DLGAP2: variants seen among roughly 807,000 people sequenced by gnomAD.
DLGAP2 encodes disks large-associated protein 2.
DLGAP2 carries 26 observed loss-of-function variants against 100.3 expected under a neutral mutation model. That is an observed-to-expected ratio of 0.26 (90% CI 0.19 to 0.36). The LOEUF is 0.36. DLGAP2 is among the 10% of genes least tolerant of loss of function. The probability of loss-of-function intolerance (pLI) is 1.00; values close to 1 mark genes in which losing one functional copy is unlikely to be tolerated. For missense variants in DLGAP2, 1,858 were observed against 1,453.2 expected (o/e 1.28, Z -4.53); for synonymous variants, 886 against 630.1 (o/e 1.41, Z -6.08).
chr8:821,432 G>A (rs569600845), intron 1 of DLGAP2, among the ~76,000 whole-genome samples: 1 of 152,110 alleles, frequency 6.6e-6, no homozygotes, highest in African/African-American at 2.4e-5. Context: ...ACAAGTGTTC[G>A]TACTTCCTCC....
chr8:859,254 G>A (rs1466798098), intron 1 of DLGAP2, among the ~76,000 whole-genome samples: 2 of 152,076 alleles, frequency 1.3e-5, no homozygotes, highest in Admixed American at 6.5e-5. Flanking sequence ...TGGGATCACA[G>A]GCGCACGCCA....
intron 6 of DLGAP2, among the ~76,000 whole-genome samples, chr8:1,601,415 G>A (rs1489077123): frequency 1.3e-5 from 2 of 152,226 alleles, no homozygotes; most frequent in African/African-American, 2.4e-5. Context: ...TGGGAGAGCT[G>A]CTGCTCTCTT....
chr8:1,178,807 A>T (rs185316001), intron 2 of DLGAP2, among the ~76,000 whole-genome samples: 1 of 152,188 alleles, frequency 6.6e-6, no homozygotes, highest in African/African-American at 2.4e-5. Context: ...AGCTGTGCCC[A>T]CCGCCAGCAT....
chr8:1,227,151 G>GAGATATAT (rs1798432845), intron 2 of DLGAP2, among the ~76,000 whole-genome samples: 5 of 50,234 alleles, frequency 1.0e-4, no homozygotes, highest in African/African-American at 5.0e-4. Context: ...AGGAAACTGT[G>GAGATATAT]AGATATATAT....
intron 5 of DLGAP2, among the ~76,000 whole-genome samples, chr8:1,556,775 G>GA (rs144378110): frequency 0.024 from 3,701 of 152,252 alleles, 159 homozygotes; most frequent in African/African-American, 0.083. Context: ...TGGCTCAGAG[G>GA]AAAAACCACA....
At chr8:737,852 G>T (rs1463031657) in intron 1 of DLGAP2, 27 bp downstream of exon 1, 1 of 376,180 alleles carries the variant, frequency 2.7e-6, no homozygotes, top group Non-Finnish European at 4.7e-6. Context: ...GCTGCCGGGA[G>T]CCGGGCGCGG....
intron 2 of DLGAP2, among the ~76,000 whole-genome samples, chr8:943,222 C>G (rs553853419): frequency 6.6e-6 from 1 of 152,164 alleles, no homozygotes; most frequent in Non-Finnish European, 1.5e-5. Flanking sequence ...CACAGGATGG[C>G]CACTTTTCCA....
At chr8:920,513 T>C (rs1225186449) in intron 2 of DLGAP2, among the ~76,000 whole-genome samples, 1 of 152,104 alleles carries the variant, frequency 6.6e-6, no homozygotes, top group Non-Finnish European at 1.5e-5. Context: ...CCCAGCACTT[T>C]GGCAGGCAGA....
chr8:1,356,916 G>A (rs368908762), intron 3 of DLGAP2, among the ~76,000 whole-genome samples: 20 of 152,180 alleles, frequency 1.3e-4, no homozygotes, highest in South Asian at 8.3e-4. Flanking sequence ...TACAGTGCCC[G>A]TGTCTACAGC....
chr8:1,450,799 A>G (rs1407584655), intron 3 of DLGAP2, among the ~76,000 whole-genome samples: 2 of 152,136 alleles, frequency 1.3e-5, no homozygotes, highest in Non-Finnish European at 2.9e-5. Flanking sequence ...GAGACAGAAA[A>G]GTACTATTTG....
intron 2 of DLGAP2, among the ~76,000 whole-genome samples, chr8:1,151,272 A>C (rs1796692130): frequency 6.6e-6 from 1 of 152,180 alleles, no homozygotes. Context: ...AGTCATACAC[A>C]TTTTGCTTGA....
chr8:1,309,327 A>G (rs766306344), intron 3 of DLGAP2, among the ~76,000 whole-genome samples: 1 of 152,242 alleles, frequency 6.6e-6, no homozygotes, highest in African/African-American at 2.4e-5. Context: ...GTGAGGGATA[A>G]AGAGAAAATC....
At chr8:1,063,634 A>C (rs1378710276) in intron 2 of DLGAP2, among the ~76,000 whole-genome samples, 1 of 150,910 alleles carries the variant, frequency 6.6e-6, no homozygotes, top group African/African-American at 2.4e-5. Context: ...AGGATGTATT[A>C]GCTTAGGCAT....
chr8:1,588,784 T>C (rs1017772509), intron 6 of DLGAP2, among the ~76,000 whole-genome samples: 7 of 146,718 alleles, frequency 4.8e-5, no homozygotes, highest in Non-Finnish European at 1.0e-4. Context: ...TAGCTGAGCA[T>C]GGTAGTACAT....
chr8:961,482 A>G (rs1462730818), intron 2 of DLGAP2, among the ~76,000 whole-genome samples: 1 of 152,168 alleles, frequency 6.6e-6, no homozygotes, highest in Non-Finnish European at 1.5e-5. Flanking sequence ...TAAGGTGTGT[A>G]CTTAAGCCAA....
chr8:1,107,820 C>T (rs1368558880), intron 2 of DLGAP2, among the ~76,000 whole-genome samples: 1 of 152,184 alleles, frequency 6.6e-6, no homozygotes, highest in South Asian at 2.1e-4. Context: ...ACCCATGTTG[C>T]ATTTGGCAGG....
At chr8:1,321,309 T>C (rs1000906253) in intron 3 of DLGAP2, among the ~76,000 whole-genome samples, 1 of 151,712 alleles carries the variant, frequency 6.6e-6, no homozygotes, top group Non-Finnish European at 1.5e-5. Flanking sequence ...CATCTGTGTG[T>C]CTCTGCGTGT....
intron 2 of DLGAP2, among the ~76,000 whole-genome samples, chr8:1,181,645 T>C (rs1261640630): frequency 6.6e-6 from 1 of 152,178 alleles, no homozygotes; most frequent in Non-Finnish European, 1.5e-5. Context: ...GACCCAAGTT[T>C]ACTTCTAAAA....
intron 2 of DLGAP2, among the ~76,000 whole-genome samples, chr8:1,233,978 C>T (rs530185061): frequency 6.6e-6 from 1 of 152,108 alleles, no homozygotes; most frequent in African/African-American, 2.4e-5. Context: ...GGTCAATAGG[C>T]CTGCACTGGG....
Sources: gnomAD v4.1 joint callset for allele counts (sites outside exome capture counted in the v4.1 genomes callset) on GRCh38, gnomAD v4.1.1 for gene constraint, MANE v1.5 for transcripts, NCBI Gene and HGNC (gene_info 2026-07-23, HGNC 2026-07-21) for gene names.